GPHN: variants seen among roughly 807,000 people sequenced by gnomAD.
GPHN encodes gephyrin.
Under a neutral mutation model 95.5 loss-of-function variants are expected in GPHN, and 17 were observed. That is an observed-to-expected ratio of 0.18 (90% CI 0.12 to 0.27). The LOEUF is 0.27. Ranked by LOEUF, GPHN falls within the 10% of genes least tolerant of loss-of-function variation. GPHN has a pLI of 1.00. For missense variants in GPHN, 660 were observed against 978.1 expected, an observed-to-expected ratio of 0.67 and a Z score of 4.34; for synonymous variants, 320 against 322.5, an observed-to-expected ratio of 0.99 and a Z score of 0.08.
the GPHN span, among the ~76,000 whole-genome samples, chr14:67,507,323 T>G: frequency 6.6e-6 from 1 of 152,212 alleles, no homozygotes; most frequent in East Asian, 1.9e-4. Flanking sequence ...CACTCCAGCC[T>G]GGGTGACAGA....
chr14:67,008,801 C>A (rs1290924015), intron 9 of GPHN, among the ~76,000 whole-genome samples: 1 of 152,132 alleles, frequency 6.6e-6, no homozygotes, highest in African/African-American at 2.4e-5. Context: ...CTCACCTCAG[C>A]CTCCCAAAGT....
chr14:66,717,037 A>C (rs1322947792), intron 2 of GPHN, among the ~76,000 whole-genome samples: 1 of 152,084 alleles, frequency 6.6e-6, no homozygotes, highest in Non-Finnish European at 1.5e-5. Flanking sequence ...CTTTGTGCCT[A>C]GGTCTCTAGC....
chr14:66,743,281 A>G (rs2072956867), intron 2 of GPHN, among the ~76,000 whole-genome samples: 2 of 151,768 alleles, frequency 1.3e-5, no homozygotes, highest in Admixed American at 1.3e-4. Flanking sequence ...AAATTGAAAC[A>G]TTGTGTTCTA....
chr14:67,225,511 G>A, the GPHN span, among the ~76,000 whole-genome samples: 3 of 152,286 alleles, frequency 2.0e-5, no homozygotes, highest in Admixed American at 1.3e-4. Context: ...AGAGAATTAT[G>A]TGCTGCACTA....
chr14:67,328,977 A>G, the GPHN span, among the ~76,000 whole-genome samples: 12 of 152,114 alleles, frequency 7.9e-5, no homozygotes, highest in Non-Finnish European at 1.8e-4. Context: ...TTTTGGTTCC[A>G]TATGAACTTT....
At chr14:67,400,790 C>T in the GPHN span, among the ~76,000 whole-genome samples, 1 of 151,886 alleles carries the variant, frequency 6.6e-6, no homozygotes, top group African/African-American at 2.4e-5. Flanking sequence ...GAGTTTGAGA[C>T]TAGCCTGGGC....
At chr14:66,778,223 A>G (rs1221562889) in intron 3 of GPHN, among the ~76,000 whole-genome samples, 1 of 152,198 alleles carries the variant, frequency 6.6e-6, no homozygotes, top group African/African-American at 2.4e-5. Flanking sequence ...TCCCATTCAC[A>G]ATTGCTTCAA....
chr14:67,374,141 A>G, the GPHN span, among the ~76,000 whole-genome samples: 13 of 152,156 alleles, frequency 8.5e-5, no homozygotes, highest in Non-Finnish European at 1.5e-5. Context: ...ATGCTCCAAA[A>G]TCTGAAACTT....
intron 1 of GPHN, among the ~76,000 whole-genome samples, chr14:66,548,818 T>C (rs376899880): frequency 1.2e-3 from 181 of 152,322 alleles, no homozygotes; most frequent in African/African-American, 4.0e-3. Context: ...TTGTGCCAAA[T>C]AGCCAAGTTG....
the GPHN span, chr14:67,726,141 G>T: frequency 6.2e-7 from 1 of 1,608,588 alleles, no homozygotes; most frequent in Non-Finnish European, 8.5e-7. Flanking sequence ...ACCCACCTGG[G>T]AGTCAACCAC....
chr14:67,292,668 G>C, the GPHN span: 1 of 1,613,550 alleles, frequency 6.2e-7, no homozygotes, highest in Non-Finnish European at 8.5e-7. Context: ...ACATGAACAA[G>C]GCCAGTCCTC....
intron 9 of GPHN, among the ~76,000 whole-genome samples, chr14:66,980,381 T>C (rs1330974414): frequency 2.0e-5 from 3 of 152,182 alleles, no homozygotes; most frequent in Non-Finnish European, 4.4e-5. Context: ...AGTTCAAAGA[T>C]AAACTTTTTT....
intron 2 of GPHN, among the ~76,000 whole-genome samples, chr14:66,706,635 T>A (rs2069102197): frequency 6.6e-6 from 1 of 152,170 alleles, no homozygotes; most frequent in Non-Finnish European, 1.5e-5. Context: ...ACTCGACCCT[T>A]TCCTTACACC....
chr14:66,612,371 A>G (rs748597248), intron 1 of GPHN, among the ~76,000 whole-genome samples: 7 of 151,858 alleles, frequency 4.6e-5, no homozygotes, highest in Non-Finnish European at 1.0e-4. Flanking sequence ...TCCCTCCCAC[A>G]TAGTTGCTCT....
intron 8 of GPHN, among the ~76,000 whole-genome samples, chr14:66,961,725 C>T (rs552386558): frequency 1.3e-5 from 2 of 150,752 alleles, no homozygotes; most frequent in Admixed American, 1.3e-4. Context: ...TTGTTACACA[C>T]CAACCAAATT....
chr14:67,098,071 C>T (rs1157459559), intron 12 of GPHN, among the ~76,000 whole-genome samples: 1 of 152,036 alleles, frequency 6.6e-6, no homozygotes, highest in Non-Finnish European at 1.5e-5. Flanking sequence ...TAACACACAC[C>T]ATCATGGCAC....
At chr14:67,500,602 C>T in the GPHN span, among the ~76,000 whole-genome samples, 7 of 144,182 alleles carry the variant, frequency 4.9e-5, no homozygotes, top group Admixed American at 7.0e-5. Context: ...GATGGAGTCT[C>T]GCTCTGTCCC....
chr14:67,609,662 C>T, the GPHN span, among the ~76,000 whole-genome samples: 1 of 152,172 alleles, frequency 6.6e-6, no homozygotes, highest in South Asian at 2.1e-4. Flanking sequence ...ACCTCCTTAA[C>T]ATAAATTCAG....
chr14:66,546,997 A>G (rs541953363), intron 1 of GPHN, among the ~76,000 whole-genome samples: 2 of 152,216 alleles, frequency 1.3e-5, no homozygotes, highest in South Asian at 4.2e-4. Context: ...TACTTGGGAT[A>G]TCTGGAAGTG....
Sources: allele counts gnomAD v4.1 joint callset (sites outside exome capture counted in the v4.1 genomes callset), GRCh38; gene constraint gnomAD v4.1.1; transcripts MANE v1.5; gene names NCBI Gene and HGNC (gene_info 2026-07-23, HGNC 2026-07-21).